EEF1AKMT1: variants seen among roughly 807,000 people sequenced by gnomAD.
The protein encoded by EEF1AKMT1 is EEF1A lysine methyltransferase 1.
A neutral mutation model predicts 21.0 loss-of-function variants in EEF1AKMT1; 18 were observed. The ratio of observed to expected loss-of-function variants is 0.86; its 90% confidence interval spans 0.59 to 1.27. The LOEUF is 1.27. EEF1AKMT1 is among the 50% of genes most tolerant of loss of function. The pLI, the probability that EEF1AKMT1 is intolerant of heterozygous loss-of-function variation, is 0.00. For synonymous variants in EEF1AKMT1, 109 were observed against 94.8 expected (o/e 1.15, Z -0.87); for missense variants, 246 against 258.6 (o/e 0.95, Z 0.33).
rs112577823 is a variant in EEF1AKMT1 at position 20,729,035 on chromosome 13, A to G, written c.*45T>C. The G allele has an allele frequency of 6.2e-7, 1 of 1,610,212 alleles. No individual in the cohort carries two copies. Among genetic ancestry groups the G allele is most frequent in the Non-Finnish European group, 8.5e-7 (1 of 1,176,824 alleles). ...AAATCTACTACGAAAATACAAAAAG[A>G]GGAATGTGACAGGGTTCCTTCCTGT... On this transcript the variant is annotated 3_prime_UTR_variant, in exon 5 of 5. Transcript: ENST00000382758.
intron 1 of EEF1AKMT1, among the ~76,000 whole-genome samples, chr13:20,759,510 G>A (rs2058988324): frequency 6.6e-6 from 1 of 151,968 alleles, no homozygotes; most frequent in Non-Finnish European, 1.5e-5. Context: ...AACCTGGGAG[G>A]CGGAGCTTGC....
intron 2 of EEF1AKMT1, among the ~76,000 whole-genome samples, chr13:20,740,131 G>A (rs529057288): frequency 6.6e-6 from 1 of 152,382 alleles, no homozygotes; most frequent in Admixed American, 6.5e-5. Flanking sequence ...TGGGCCGGTA[G>A]TGCTGGGATC....
chr13:20,731,639 T>C (rs2058796456), intron 4 of EEF1AKMT1, among the ~76,000 whole-genome samples: 1 of 152,212 alleles, frequency 6.6e-6, no homozygotes, highest in African/African-American at 2.4e-5. Context: ...GTTGGGTACT[T>C]TGTGTCACTT....
intron 4 of EEF1AKMT1, among the ~76,000 whole-genome samples, chr13:20,730,184 C>G (rs1048356365): frequency 3.9e-5 from 6 of 152,246 alleles, no homozygotes; most frequent in African/African-American, 1.4e-4. Context: ...AACTAAAATG[C>G]ACACTCCATG....
At chr13:20,734,995 G>A (rs1188436629) in intron 3 of EEF1AKMT1, among the ~76,000 whole-genome samples, 1 of 152,178 alleles carries the variant, frequency 6.6e-6, no homozygotes, top group Non-Finnish European at 1.5e-5. Context: ...AAACAAGAGT[G>A]CAATTTCATG....
At chr13:20,771,059 C>T (rs952542397) in intron 1 of EEF1AKMT1, among the ~76,000 whole-genome samples, 37 of 151,722 alleles carry the variant, frequency 2.4e-4, no homozygotes, top group African/African-American at 8.2e-4. Context: ...TTTGTAGAGA[C>T]GGGGGTCTCG....
At chr13:20,765,516 G>A (rs2059025832) in intron 1 of EEF1AKMT1, among the ~76,000 whole-genome samples, 1 of 132,174 alleles carries the variant, frequency 7.6e-6, no homozygotes, top group Non-Finnish European at 1.5e-5. Flanking sequence ...AGTTTCACAC[G>A]ATTCCCCTGC....
At chr13:20,750,961 A>C (rs2058937043) in intron 2 of EEF1AKMT1, among the ~76,000 whole-genome samples, 1 of 152,136 alleles carries the variant, frequency 6.6e-6, no homozygotes, top group African/African-American at 2.4e-5. Context: ...CTCATATACC[A>C]GTTGGCCATT....
intron 4 of EEF1AKMT1, among the ~76,000 whole-genome samples, chr13:20,730,925 C>T (rs1281304184): frequency 6.6e-6 from 1 of 152,138 alleles, no homozygotes; most frequent in Non-Finnish European, 1.5e-5. Context: ...TCTTTGGGTC[C>T]ACACCAACTT....
intron 3 of EEF1AKMT1, among the ~76,000 whole-genome samples, chr13:20,736,578 C>T (rs1398446870): frequency 6.6e-6 from 1 of 151,842 alleles, no homozygotes; most frequent in Non-Finnish European, 1.5e-5. Flanking sequence ...AGACCATGCA[C>T]ACTGGGACAG....
At chr13:20,771,144 T>A (rs1214729204) in intron 1 of EEF1AKMT1, among the ~76,000 whole-genome samples, 1 of 152,204 alleles carries the variant, frequency 6.6e-6, no homozygotes, top group Non-Finnish European at 1.5e-5. Flanking sequence ...AGTGCTAAGA[T>A]TACAAACATG....
intron 2 of EEF1AKMT1, among the ~76,000 whole-genome samples, chr13:20,738,320 C>A (rs1352821398): frequency 6.6e-6 from 1 of 152,204 alleles, no homozygotes; most frequent in Non-Finnish European, 1.5e-5. Flanking sequence ...CCCTTGGGGG[C>A]AAGTTTGTTT....
intron 3 of EEF1AKMT1, among the ~76,000 whole-genome samples, chr13:20,737,330 C>T (rs923668948): frequency 6.6e-6 from 1 of 152,140 alleles, no homozygotes; most frequent in Non-Finnish European, 1.5e-5. Flanking sequence ...CACCACTCTG[C>T]ACTCCAGCCT....
chr13:20,770,549 A>C (rs551932937), intron 1 of EEF1AKMT1, among the ~76,000 whole-genome samples: 1 of 152,354 alleles, frequency 6.6e-6, no homozygotes, highest in South Asian at 2.1e-4. Flanking sequence ...CAGGCCGGAA[A>C]ATTTCCAAGT....
At chr13:20,766,370 C>T (rs1243383854) in intron 1 of EEF1AKMT1, among the ~76,000 whole-genome samples, 1 of 150,332 alleles carries the variant, frequency 6.7e-6, no homozygotes, top group East Asian at 2.0e-4. Context: ...AAATTAAACT[C>T]AACTGAAATG....
Position 20,737,900 on chromosome 13 carries a change from G to A in EEF1AKMT1, c.145-95C>T, listed in dbSNP as rs117435800. On this transcript the variant is annotated intron_variant, in intron 2 of 4. Coordinates refer to ENST00000382758, the MANE Select transcript of EEF1AKMT1 (RefSeq NM_001318939.2). ...ATCTATACCAGTGGACAGATATTTT[G>A]TTCTTTTAATTTATATATAATCTAT... 2,820 of 802,874 alleles carry A rather than the reference G, an allele frequency of 3.5e-3. 17 individuals carry two copies. Among genetic ancestry groups the A allele is most frequent in the Middle Eastern group, 0.013 (41 of 3,100 alleles). 49.7% of individuals were successfully genotyped at this position (802,874 alleles called of 1,614,324 possible). A position where few individuals can be genotyped will look rare whatever the true frequency, so the allele number is the denominator to read the frequency against.
intron 1 of EEF1AKMT1, among the ~76,000 whole-genome samples, chr13:20,767,292 C>T (rs1457421150): frequency 2.7e-5 from 3 of 109,922 alleles, no homozygotes; most frequent in Admixed American, 2.9e-4. Flanking sequence ...GGCGACAAAG[C>T]GAGATTCTGT....
At chr13:20,735,489 A>G (rs2058821761) in intron 3 of EEF1AKMT1, among the ~76,000 whole-genome samples, 1 of 152,202 alleles carries the variant, frequency 6.6e-6, no homozygotes, top group South Asian at 2.1e-4. Context: ...TTTCAGTCAC[A>G]TGCCTCCAAG....
intron 1 of EEF1AKMT1, among the ~76,000 whole-genome samples, chr13:20,760,943 C>A (rs527854633): frequency 1.3e-5 from 2 of 152,270 alleles, no homozygotes; most frequent in South Asian, 2.1e-4. Context: ...CACAGATTCA[C>A]AGGAATGTGC....
Sources: allele counts gnomAD v4.1 joint callset (sites outside exome capture counted in the v4.1 genomes callset), GRCh38; gene constraint gnomAD v4.1.1; transcripts MANE v1.5; gene names NCBI Gene and HGNC (gene_info 2026-07-23, HGNC 2026-07-21).